The following WDFY3 variants were observed in gnomAD, a reference collection of about 807,000 sequenced individuals.
WDFY3 encodes the protein WD repeat and FYVE domain-containing protein 3.
In WDFY3, 66 loss-of-function variants were observed where a neutral mutation model predicts 409.6. The observed-to-expected ratio is 0.16, with a 90% CI of 0.13 to 0.20. The LOEUF (loss-of-function observed/expected upper bound fraction) is 0.20, where lower values mean the gene tolerates loss of function less well. WDFY3 is among the 10% of genes least tolerant of loss of function. The probability of loss-of-function intolerance (pLI) is 1.00; values close to 1 mark genes in which losing one functional copy is unlikely to be tolerated. For missense variants in WDFY3, 3,031 were observed against 4,298.1 expected (o/e 0.71, Z 8.24); for synonymous variants, 1,521 against 1,537.1 (o/e 0.99, Z 0.25).
Position 84,705,470 on chromosome 4 carries a change from A to G in WDFY3, c.8259T>C (p.Ala2753=), listed in dbSNP as rs1265436445. The G allele has an allele frequency of 3.1e-6, 5 of 1,613,956 alleles. No individual in the cohort carries two copies. The highest frequency in any genetic ancestry group is 4.2e-6 in the Non-Finnish European group (5 of 1,179,988). The change falls in exon 54 of 68, where the codon GCT becomes GCC. Residue 2753 remains alanine, a synonymous_variant. Coordinates refer to ENST00000295888, the MANE Select transcript of WDFY3 (RefSeq NM_014991.6). ...LTNPKTFRNL[A]KPMGAQTDER... ...CATCTGTTTGTGCTCCCATTGGCTT[A>G]GCCAGGTTTCTAAACGTCTTGGGAT...
intron 10 of WDFY3, among the ~76,000 whole-genome samples, chr4:84,823,989 C>T (rs1004144980): frequency 6.6e-6 from 1 of 152,128 alleles, no homozygotes; most frequent in African/African-American, 2.4e-5. Context: ...TCCACTGTAG[C>T]TTTATTCCTG....
chr4:84,778,730 TAC>T, intron 26 of WDFY3, 75 bp from the exon 27 acceptor site: 4 of 1,442,884 alleles, frequency 2.8e-6, no homozygotes, highest in Non-Finnish European at 3.7e-6. Flanking sequence ...AACACACACA[TAC>T]ACACACAAAC....
chr4:84,813,216 T>A (rs529192409), intron 13 of WDFY3, among the ~76,000 whole-genome samples: 1 of 152,078 alleles, frequency 6.6e-6, no homozygotes, highest in African/African-American at 2.4e-5. Context: ...AAAATGGAAA[T>A]TGAAACTGAG....
chr4:84,746,038 T>TATA (rs1739378968), intron 36 of WDFY3, among the ~76,000 whole-genome samples: 1 of 150,828 alleles, frequency 6.6e-6, no homozygotes, highest in South Asian at 2.1e-4. Context: ...TTGGGCACGG[T>TATA]GGCTCATGCC....
At chr4:84,767,299 ATG>A (rs1743838037) in intron 30 of WDFY3, among the ~76,000 whole-genome samples, 4 of 152,258 alleles carry the variant, frequency 2.6e-5, no homozygotes, top group South Asian at 4.1e-4. Context: ...TAGTCAAAAA[ATG>A]TGTTTTGACA....
chr4:84,871,555 G>C (rs941356128), intron 3 of WDFY3, among the ~76,000 whole-genome samples: 1 of 152,108 alleles, frequency 6.6e-6, no homozygotes, highest in African/African-American at 2.4e-5. Context: ...ATAGGGGTCA[G>C]TAAATTGTAT....
chr4:84,872,348 C>T (rs1379246624), intron 3 of WDFY3, among the ~76,000 whole-genome samples: 3 of 151,686 alleles, frequency 2.0e-5, no homozygotes, highest in Non-Finnish European at 4.4e-5. Context: ...GCCTATGGTC[C>T]CAGCTACTTG....
chr4:84,839,157 T>C (rs911195787), intron 6 of WDFY3, among the ~76,000 whole-genome samples: 7 of 152,214 alleles, frequency 4.6e-5, no homozygotes, highest in African/African-American at 1.7e-4. Context: ...CTTGTAATTT[T>C]TTAAGTGATT....
rs115751417 is a variant in WDFY3, at chr4:84,841,362, A to G, written c.305-99T>C. The G allele has an allele frequency of 1.6e-3, 1,524 of 954,212 alleles. 18 individuals are homozygous for G. In the African/African-American group the frequency reaches 0.023, roughly 15 times the overall value. The allele number at this position is 954,212 out of a possible 1,614,324, so 59.1% of individuals were successfully genotyped here. On this transcript the variant is annotated intron_variant, in intron 5 of 67. Transcript: ENST00000295888. The stretch of plus-strand genomic sequence containing the variant: ...AAGGAAATGAAAATTTACTAAGCAC[A>G]TAATTATATCAGCACTATTACATAT...
chr4:84,826,879 A>G lies in WDFY3; in HGVS notation c.1059T>C (p.Ala353=). The change falls in exon 10 of 68, where the codon GCT becomes GCC. Residue 353 remains alanine, a synonymous_variant. Transcript: ENST00000295888. ...AAAAGGGTGCCCCTGTGGTAATACC[A>G]GCTGGTTTTAGTTCACTGACACCAT... ...TTYGVSELKP[A]GITTGAPFLL... is the part of the protein sequence containing the mutation. The G allele has an allele frequency of 6.2e-7, 1 of 1,610,878 alleles. No homozygotes were observed. The highest frequency in any genetic ancestry group is 8.5e-7 in the Non-Finnish European group (1 of 1,179,222).
chr4:84,724,030 T>C (rs1735259396), intron 46 of WDFY3, among the ~76,000 whole-genome samples: 1 of 152,250 alleles, frequency 6.6e-6, no homozygotes. Context: ...ATGACAGGTT[T>C]AGTTTTAATT....
At chr4:84,793,857 T>C (rs574733130) in intron 21 of WDFY3, among the ~76,000 whole-genome samples, 3 of 152,178 alleles carry the variant, frequency 2.0e-5, no homozygotes, top group East Asian at 1.9e-4. Flanking sequence ...TCAATTAATA[T>C]GTGATATTAT....
At chr4:84,809,632 A>C in intron 14 of WDFY3, 1 of 363,432 alleles carries the variant, frequency 2.8e-6, no homozygotes, top group South Asian at 5.6e-5. Context: ...AACTTCATAG[A>C]AACTGTTCCA....
chr4:84,756,799 C>G, intron 33 of WDFY3, 127 bp downstream of exon 33: 1 of 1,145,508 alleles, frequency 8.7e-7, no homozygotes, highest in Non-Finnish European at 1.2e-6. Flanking sequence ...TTTTTCTGTC[C>G]CAAATCAAAC....
intron 11 of WDFY3, 38 bp from the exon 12 acceptor site, chr4:84,820,224 TA>T: frequency 6.7e-7 from 1 of 1,502,398 alleles, no homozygotes; most frequent in Non-Finnish European, 9.1e-7. Context: ...ACAAAAGTGA[TA>T]AGCTTATTTT....
chr4:84,882,719 T>TA (rs1491338603), intron 3 of WDFY3, among the ~76,000 whole-genome samples: 5 of 134,942 alleles, frequency 3.7e-5, no homozygotes, highest in Admixed American at 1.5e-4. Context: ...TTCACCTATA[T>TA]TTTTTTTTTT....
chr4:84,720,303 C>G (rs140420016), intron 47 of WDFY3, among the ~76,000 whole-genome samples: 40 of 151,834 alleles, frequency 2.6e-4, no homozygotes, highest in African/African-American at 4.8e-4. Flanking sequence ...GCAAAAGAGT[C>G]AAAAAAAGCT....
At chr4:84,677,472 G>A in intron 66 of WDFY3, 76 bp from the exon 67 acceptor site, 1 of 1,408,502 alleles carries the variant, frequency 7.1e-7, no homozygotes. Context: ...TCTGGATTTT[G>A]GTGGATGTGT....
At chr4:84,829,744 T>C (rs940324066) in intron 8 of WDFY3, among the ~76,000 whole-genome samples, 3 of 150,936 alleles carry the variant, frequency 2.0e-5, no homozygotes, top group Admixed American at 6.6e-5. Flanking sequence ...GAGGCAGAGA[T>C]TGCAGTGAGC....
Sources: gnomAD v4.1 joint callset for allele counts (sites outside exome capture counted in the v4.1 genomes callset) on GRCh38, gnomAD v4.1.1 for gene constraint, MANE v1.5 for transcripts, NCBI Gene and HGNC (gene_info 2026-07-23, HGNC 2026-07-21) for gene names.